The following UBXN2A variants were observed in gnomAD, a reference collection of about 807,000 sequenced individuals.
The protein encoded by UBXN2A is UBX domain protein 2A, also known as UBX domain-containing protein 2A.
UBXN2A carries 28 observed loss-of-function variants against 28.4 expected under a neutral mutation model. The observed-to-expected ratio is 0.99, with a 90% CI of 0.73 to 1.35. The LOEUF is 1.35. Among genes scored for constraint, UBXN2A ranks in the 40% most tolerant of loss-of-function variants. The pLI is 0.00. For missense variants in UBXN2A, 253 were observed against 297.9 expected, an observed-to-expected ratio of 0.85 and a Z score of 1.11; for synonymous variants, 97 against 103.6, an observed-to-expected ratio of 0.94 and a Z score of 0.39.
intron 3 of UBXN2A, among the ~76,000 whole-genome samples, chr2:23,975,688 GAGTGC>G (rs72177384): frequency 0.012 from 1,882 of 152,194 alleles, 36 homozygotes; most frequent in African/African-American, 0.043. Flanking sequence ...GCCCAGGCTG[GAGTGC>G]AGTGGTGCGA....
upstream of UBXN2A, among the ~76,000 whole-genome samples, chr2:23,937,381 C>T (rs1000527380): frequency 1.3e-5 from 2 of 151,924 alleles, no homozygotes; most frequent in Non-Finnish European, 2.9e-5. Flanking sequence ...TCCATCTCTA[C>T]AAAAAAAATT....
In UBXN2A at chr2:23,976,988, T is replaced by A; in HGVS notation, c.200T>A (p.Leu67Ter). The part of the protein sequence containing the change: ...QKKQVDVNIK[L>*]WKNGFTVNDD... ...TTGCAGGTAGATGTAAATATAAAATTATGGAAAAACGGATTCACCGTCAAC... is the reference window on the plus strand; with the variant it reads ...TTGCAGGTAGATGTAAATATAAAATAATGGAAAAACGGATTCACCGTCAAC... The change falls in exon 4 of 7, where the codon TTA becomes TAA. Residue 67 changes from leucine (L) to a stop codon, truncating the protein, a stop_gained. Transcript: ENST00000309033. LOFTEE classifies it high-confidence loss of function. 1.2e-6 allele frequency: 2 copies of A among 1,611,356 alleles called. No individual in the cohort carries two copies. Among genetic ancestry groups the A allele is most frequent in the Non-Finnish European group, 1.7e-6 (2 of 1,177,688 alleles).
At chr2:23,983,500 T>A in intron 5 of UBXN2A, among the ~76,000 whole-genome samples, 1 of 151,904 alleles carries the variant, frequency 6.6e-6, no homozygotes, top group African/African-American at 2.4e-5. Flanking sequence ...AGAGTGAAAC[T>A]CTGTCTCAAA....
At chr2:23,975,663 C>A (rs1258026031) in intron 3 of UBXN2A, among the ~76,000 whole-genome samples, 1 of 152,012 alleles carries the variant, frequency 6.6e-6, no homozygotes, top group African/African-American at 2.4e-5. Context: ...TTTAAGATGG[C>A]GTTTCACTAC....
At chr2:23,943,920 A>G in intron 1 of UBXN2A, 1 of 423,090 alleles carries the variant, frequency 2.4e-6, no homozygotes, top group South Asian at 2.0e-5. Flanking sequence ...GCTTTGTATC[A>G]GAAATGCTGT....
At chr2:23,984,339 A>C (rs551479824) in intron 5 of UBXN2A, among the ~76,000 whole-genome samples, 1 of 152,270 alleles carries the variant, frequency 6.6e-6, no homozygotes, top group South Asian at 2.1e-4. Context: ...TTTCTTCTAG[A>C]AATTTAACCT....
At chr2:23,989,782 G>T (rs1708281014) in intron 6 of UBXN2A, among the ~76,000 whole-genome samples, 1 of 151,924 alleles carries the variant, frequency 6.6e-6, no homozygotes, top group African/African-American at 2.4e-5. Flanking sequence ...ACTCACCTGT[G>T]GTCTCAGATA....
chr2:23,954,766 T>C (rs148966409), intron 1 of UBXN2A, among the ~76,000 whole-genome samples: 2 of 151,500 alleles, frequency 1.3e-5, no homozygotes, highest in African/African-American at 2.4e-5. Context: ...CTTTTTTTTT[T>C]TTTTTTTAAG....
At chr2:23,959,268 G>T (rs373097407) in intron 2 of UBXN2A, among the ~76,000 whole-genome samples, 2 of 152,128 alleles carry the variant, frequency 1.3e-5, no homozygotes, top group East Asian at 3.9e-4. Context: ...GAGGTAGGCG[G>T]ATCACCTGAG....
intron 2 of UBXN2A, among the ~76,000 whole-genome samples, chr2:23,968,446 G>C (rs1175426800): frequency 2.0e-5 from 3 of 152,110 alleles, no homozygotes; most frequent in African/African-American, 7.2e-5. Context: ...GGAGGCTGAG[G>C]CAGGCGGATC....
intron 1 of UBXN2A, among the ~76,000 whole-genome samples, chr2:23,934,636 G>A (rs1705471723): frequency 6.6e-6 from 1 of 152,188 alleles, no homozygotes; most frequent in African/African-American, 2.4e-5. Flanking sequence ...ACTGTGAAAA[G>A]TACTTTGGAG....
At chr2:23,932,023 GAA>G (rs1558830267) in intron 1 of UBXN2A, among the ~76,000 whole-genome samples, 1 of 150,016 alleles carries the variant, frequency 6.7e-6, no homozygotes, top group African/African-American at 2.4e-5. Context: ...AAAAAAAAAA[GAA>G]AAAGAAAAAG....
rs192541666 is a variant in UBXN2A, at chr2:23,993,546, C to T, written c.585-6126C>T. Among the ~76,000 whole-genome samples, 9 of 152,164 alleles carry T rather than the reference C, an allele frequency of 5.9e-5. No homozygotes were observed. The South Asian group carries it at 1.7e-3, about 28-fold the overall frequency. On this transcript the variant is annotated intron_variant, in intron 6 of 6. Transcript: ENST00000309033. ...TTTGTCAACAAATATGTTACTTCTA[C>T]GAACATTTTAACAACCCTCAAAATG...
At chr2:23,979,775 T>TTGAG (rs1392722905) in intron 4 of UBXN2A, among the ~76,000 whole-genome samples, 1 of 152,112 alleles carries the variant, frequency 6.6e-6, no homozygotes, top group African/African-American at 2.4e-5. Flanking sequence ...CTTGCTGTGT[T>TTGAG]ACCCAGGCTG....
At chr2:23,973,388 G>T (rs1322520507) in intron 3 of UBXN2A, among the ~76,000 whole-genome samples, 2 of 150,826 alleles carry the variant, frequency 1.3e-5, no homozygotes, top group Non-Finnish European at 2.9e-5. Flanking sequence ...GCCCAGGCTG[G>T]AGTGCAGTGG....
chr2:23,969,522 C>T (rs1200795373), intron 2 of UBXN2A, among the ~76,000 whole-genome samples: 1 of 152,130 alleles, frequency 6.6e-6, no homozygotes, highest in Non-Finnish European at 1.5e-5. Context: ...ACCATCATGC[C>T]CAGCTAATTT....
At chr2:23,958,278 T>G in intron 1 of UBXN2A, 23 bp from the exon 2 acceptor site, 1 of 1,571,708 alleles carries the variant, frequency 6.4e-7, no homozygotes, top group Middle Eastern at 1.7e-4. Flanking sequence ...TTCTTTTTAC[T>G]TACTTTCTTT....
intron 6 of UBXN2A, among the ~76,000 whole-genome samples, chr2:23,987,841 TG>T (rs1408470950): frequency 6.8e-6 from 1 of 147,132 alleles, no homozygotes; most frequent in Non-Finnish European, 1.5e-5. Flanking sequence ...GAACTTTTCT[TG>T]GCCAGGTGCA....
chr2:23,949,721 A>G (rs1344123598), intron 1 of UBXN2A, among the ~76,000 whole-genome samples: 1 of 151,932 alleles, frequency 6.6e-6, no homozygotes, highest in African/African-American at 2.4e-5. Flanking sequence ...CTAAAAATAC[A>G]AAAATTAGCC....
Sources: allele counts gnomAD v4.1 joint callset (sites outside exome capture counted in the v4.1 genomes callset), GRCh38; gene constraint gnomAD v4.1.1; transcripts MANE v1.5; gene names NCBI Gene and HGNC (gene_info 2026-07-23, HGNC 2026-07-21).